ADNP2: variants seen among roughly 807,000 people sequenced by gnomAD.
ADNP2 encodes the protein ADNP homeobox 2.
In ADNP2, 8 loss-of-function variants were observed where a neutral mutation model predicts 16.4. The observed-to-expected ratio is 0.49, with a 90% CI of 0.29 to 0.88. ADNP2 has a LOEUF of 0.88. Ranked by LOEUF, ADNP2 falls within the 40% of genes least tolerant of loss-of-function variation. The pLI, the probability that ADNP2 is intolerant of heterozygous loss-of-function variation, is 0.09. For missense variants in ADNP2, 1,397 were observed against 1,395.1 expected, an observed-to-expected ratio of 1.00 and a Z score of -0.02; for synonymous variants, 637 against 545.8, an observed-to-expected ratio of 1.17 and a Z score of -2.33.
intron 1 of ADNP2, among the ~76,000 whole-genome samples, chr18:80,113,063 T>C (rs1298326186): frequency 2.0e-5 from 3 of 152,210 alleles, no homozygotes; most frequent in Non-Finnish European, 4.4e-5. Context: ...GAAGCTGGAC[T>C]GGGCCAGAAA....
intron 2 of ADNP2, among the ~76,000 whole-genome samples, chr18:80,130,318 A>G (rs976136732): frequency 1.4e-4 from 21 of 152,182 alleles, no homozygotes; most frequent in African/African-American, 4.8e-4. Flanking sequence ...TTCTGAATGC[A>G]CTGTTACCTC....
chr18:80,129,087 AC>A (rs2052478774), intron 2 of ADNP2, among the ~76,000 whole-genome samples: 1 of 138,946 alleles, frequency 7.2e-6, no homozygotes, highest in Non-Finnish European at 1.6e-5. Context: ...CTTCAGTTTT[AC>A]CCAGAACTTT....
At chr18:80,122,761 C>T (rs1250202582) in intron 2 of ADNP2, among the ~76,000 whole-genome samples, 1 of 152,202 alleles carries the variant, frequency 6.6e-6, no homozygotes. Context: ...ATGCATTCTG[C>T]AAATAAGGCT....
intron 2 of ADNP2, among the ~76,000 whole-genome samples, chr18:80,124,717 C>A (rs2052447103): frequency 6.6e-6 from 1 of 152,140 alleles, no homozygotes; most frequent in Admixed American, 6.5e-5. Flanking sequence ...TCTAAACTTG[C>A]CTTGGTGATA....
chr18:80,134,416 T>TGAGA (rs1405780070), intron 3 of ADNP2, among the ~76,000 whole-genome samples: 64 of 146,368 alleles, frequency 4.4e-4, no homozygotes, highest in African/African-American at 1.5e-3. Flanking sequence ...TGTGTGTGTG[T>TGAGA]GTGAGAGAGA....
chr18:80,135,698 C>T lies in ADNP2; in HGVS notation c.285C>T (p.Tyr95=), dbSNP rs760527692. 3.7e-6 allele frequency: 6 copies of T among 1,614,178 alleles called. No homozygotes were observed. The highest frequency in any genetic ancestry group is 4.5e-5 in the East Asian group (2 of 44,888). Reference sequence around the variant, plus strand: ...CATTCAAGAATCATTTACATCGTTACCATGAAGATGAAATTGACCAAGAGC... The same window carrying T: ...CATTCAAGAATCATTTACATCGTTATCATGAAGATGAAATTGACCAAGAGC... ...LTSFKNHLHR[Y]HEDEIDQELV... The change falls in exon 4 of 4, where the codon TAC becomes TAT. Residue 95 remains tyrosine (Y), a synonymous_variant. Coordinates refer to ENST00000262198, the MANE Select transcript of ADNP2 (RefSeq NM_014913.4).
At chr18:80,116,149 TCTTTTA>T (rs1423855464) in intron 1 of ADNP2, among the ~76,000 whole-genome samples, 3 of 152,242 alleles carry the variant, frequency 2.0e-5, no homozygotes, top group African/African-American at 4.8e-5. Context: ...GTGTCTGGCT[TCTTTTA>T]CTTAGCATAT....
chr18:80,131,569 C>CT (rs34075834), intron 2 of ADNP2, among the ~76,000 whole-genome samples: 83 of 113,550 alleles, frequency 7.3e-4, no homozygotes, highest in South Asian at 9.6e-4. Context: ...GATGAAGATT[C>CT]TTTTTTTTTT....
chr18:80,111,315 C>T (rs1330316177), intron 1 of ADNP2, among the ~76,000 whole-genome samples: 2 of 152,138 alleles, frequency 1.3e-5, no homozygotes, highest in Non-Finnish European at 2.9e-5. Flanking sequence ...TGTATTAACT[C>T]ATTTATCCTC....
chr18:80,133,779 T>C (rs1368938647), intron 3 of ADNP2: 1 of 152,938 alleles, frequency 6.5e-6, no homozygotes. Flanking sequence ...GTCAAAGTCA[T>C]GCTGGCCTTG....
chr18:80,111,638 C>G (rs1352080081), intron 1 of ADNP2, among the ~76,000 whole-genome samples: 1 of 145,864 alleles, frequency 6.9e-6, no homozygotes, highest in Non-Finnish European at 1.5e-5. Context: ...GTGATCTCGG[C>G]TCACTGCAAC....
intron 1 of ADNP2, among the ~76,000 whole-genome samples, chr18:80,115,867 C>T (rs59185992): frequency 0.18 from 27,472 of 152,010 alleles, 2,749 homozygotes; most frequent in Middle Eastern, 0.25. Flanking sequence ...CCTCTGTCTC[C>T]CAGGGTCAAG....
rs1302975892 is a variant in ADNP2 at position 80,109,416 on chromosome 18, C to T, written c.-70C>T. ...GGACGCGGCTGCGCTCGGCGGAAGA[C>T]GCGGCAGCCCTGCGAGAGGCAGCAG... On this transcript the variant is annotated 5_prime_UTR_variant, in exon 1 of 4. The change creates a new upstream start codon in the 5' untranslated region. Transcript: ENST00000262198. 1.3e-5 allele frequency: 2 copies of T among 148,296 alleles called. No homozygotes were observed. Among genetic ancestry groups the T allele is most frequent in the Admixed American group, 6.7e-5 (1 of 14,932 alleles). The allele number at this position is 148,296 out of a possible 1,614,324, so 9.2% of individuals were successfully genotyped here.
chr18:80,118,431 CAA>C (rs34136413), intron 2 of ADNP2, among the ~76,000 whole-genome samples: 13 of 135,076 alleles, frequency 9.6e-5, no homozygotes, highest in Middle Eastern at 3.9e-3. Context: ...GACTCTGTCT[CAA>C]AAAAAAAAAA....
chr18:80,109,812 G>A (rs2052345537), intron 1 of ADNP2: 1 of 152,492 alleles, frequency 6.6e-6, no homozygotes, highest in African/African-American at 2.4e-5. Context: ...ACGAGGACGG[G>A]GACCGAGGGA....
In ADNP2 at chr18:80,136,737, C is replaced by T. The variant is rs757754593; in HGVS notation, c.1324C>T (p.Arg442Trp). The change falls in exon 4 of 4, where the codon CGG (arginine) becomes TGG (tryptophan). Residue 442 changes from arginine to tryptophan, a missense_variant. This residue lies in a region of ADNP2 where 777 missense variants were observed against 719.4 expected (regional missense o/e 1.08). Transcript: ENST00000262198. Reference protein sequence around the residue: ...AVSPGVLSVSRAVPSGVLPAG... With the variant: ...AVSPGVLSVSWAVPSGVLPAG... The stretch of plus-strand genomic sequence containing the variant: ...CTCGCCAGGGGTGCTTTCTGTGAGT[C>T]GGGCGGTCCCGTCTGGAGTCCTTCC... 4 of 1,612,836 alleles carry T rather than the reference C, an allele frequency of 2.5e-6. No homozygotes were observed. Among genetic ancestry groups the T allele is most frequent in the African/African-American group, 1.3e-5 (1 of 74,824 alleles).
rs772841908 is a variant in ADNP2 at position 80,137,548 on chromosome 18, T to G, written c.2135T>G (p.Met712Arg). 6.2e-7 allele frequency: 1 copy of G among 1,614,202 alleles called. No individual in the cohort carries two copies. The highest frequency in any genetic ancestry group is 8.5e-7 in the Non-Finnish European group (1 of 1,180,034). The change falls in exon 4 of 4, where the codon ATG (methionine) becomes AGG (arginine). Residue 712 changes from methionine to arginine, a missense_variant. Coordinates refer to ENST00000262198, the MANE Select transcript of ADNP2 (RefSeq NM_014913.4). This position sits in a 1 kb window ranked among gnomAD's most constrained non-coding sequence, Gnocchi z 4.2. Reference sequence around the variant, plus strand: ...CCGTCCAACGTCTACCAGGTCCACATGGAGGTAGCGCATAAGCACAGCGAG... The same window carrying G: ...CCGTCCAACGTCTACCAGGTCCACAGGGAGGTAGCGCATAAGCACAGCGAG... ...LFPSNVYQVH[M>R]EVAHKHSESK... is the part of the protein sequence containing the mutation.
intron 2 of ADNP2, among the ~76,000 whole-genome samples, chr18:80,127,204 G>T (rs182655719): frequency 1.3e-5 from 2 of 152,132 alleles, no homozygotes; most frequent in African/African-American, 4.8e-5. Context: ...TATATGTAGC[G>T]TTTGGCACTG....
intron 2 of ADNP2, 112 bp from the exon 3 acceptor site, chr18:80,132,991 G>T (rs918949230): frequency 1.3e-5 from 10 of 785,930 alleles, no homozygotes; most frequent in Non-Finnish European, 1.9e-5. Context: ...AAAGTGCTGG[G>T]ATTACAAGCA....
Sources: gnomAD v4.1 joint callset for allele counts (sites outside exome capture counted in the v4.1 genomes callset) on GRCh38, gnomAD v4.1.1 for gene constraint, gnomAD v4.1.1 regional missense constraint, Gnocchi (gnomAD v3.1) non-coding constraint, MANE v1.5 for transcripts, NCBI Gene and HGNC (gene_info 2026-07-23, HGNC 2026-07-21) for gene names.